The following ARFGAP1 variants were observed in gnomAD, a reference collection of about 807,000 sequenced individuals.
ARFGAP1 encodes the protein ADP-ribosylation factor GTPase-activating protein 1.
A neutral mutation model predicts 54.0 loss-of-function variants in ARFGAP1; 26 were observed. That is an observed-to-expected ratio of 0.48 (90% CI 0.35 to 0.67). ARFGAP1 has a LOEUF of 0.67. Among genes scored for constraint, ARFGAP1 ranks in the 30% least tolerant of loss-of-function variants. The pLI, the probability that ARFGAP1 is intolerant of heterozygous loss-of-function variation, is 0.00. For missense variants in ARFGAP1, 525 were observed against 535.8 expected, an observed-to-expected ratio of 0.98 and a Z score of 0.20; for synonymous variants, 248 against 211.9, an observed-to-expected ratio of 1.17 and a Z score of -1.48.
In ARFGAP1 at chr20:63,276,806, G is replaced by A; in HGVS notation, c.342+155G>A. The A allele has an allele frequency of 1.1e-6, 1 of 871,410 alleles. No individual in the cohort carries two copies. Among genetic ancestry groups the A allele is most frequent in the Non-Finnish European group, 1.7e-6 (1 of 589,384 alleles). 54.0% of individuals were successfully genotyped at this position (871,410 alleles called of 1,614,324 possible). ...ACACAACTTGCCGCCCTGGAGCAGA[G>A]GCTTCCTGCCCAGAGGGGAGGCAAA... is the stretch of plus-strand genomic sequence containing the variant. On this transcript the variant is annotated intron_variant, in intron 4 of 12. Coordinates refer to ENST00000370283, the MANE Select transcript of ARFGAP1 (RefSeq NM_018209.4). The surrounding 1 kb of genome is among the most constrained non-coding windows in gnomAD (Gnocchi z 5.2).
chr20:63,284,203 C>T (rs917162608), intron 9 of ARFGAP1: 26 of 1,267,814 alleles, frequency 2.1e-5, no homozygotes, highest in African/African-American at 1.7e-4. Context: ...GGGCACTGGG[C>T]GCAGAGCTGC....
At chr20:63,286,712 G>A in intron 12 of ARFGAP1, 1 of 468,472 alleles carries the variant, frequency 2.1e-6, no homozygotes, top group African/African-American at 2.0e-5. Flanking sequence ...TCTCTGCCCT[G>A]CTGTGTGCTC....
intron 5 of ARFGAP1, 85 bp downstream of exon 5, chr20:63,277,390 C>T: frequency 8.3e-7 from 1 of 1,207,820 alleles, no homozygotes; most frequent in Non-Finnish European, 1.1e-6. Context: ...TTCTCCCCTT[C>T]TTTGCTGTTG....
At position 63,287,552 on chromosome 20, in the gene ARFGAP1, T is replaced by C. The variant is rs747508893; in HGVS notation, c.912-12T>C. ...ACAGTCATTTAGAGTCCCCCTTCTG[T>C]CTCTTTAAAAGCCCCTCGGAGGGCC... is the stretch of plus-strand genomic sequence containing the variant. On this transcript the variant is annotated splice_polypyrimidine_tract_variant and intron_variant, in intron 12 of 12. Transcript: ENST00000370283. 1 of 1,567,312 alleles carries C rather than the reference T, an allele frequency of 6.4e-7. No homozygotes were observed. Among genetic ancestry groups the C allele is most frequent in the Non-Finnish European group, 8.7e-7 (1 of 1,152,734 alleles).
chr20:63,281,168 C>A, intron 7 of ARFGAP1, 123 bp from the exon 8 acceptor site: 4 of 1,032,738 alleles, frequency 3.9e-6, no homozygotes, highest in South Asian at 1.5e-5. Flanking sequence ...GCGGTGGGGT[C>A]AGGATGGGAC....
chr20:63,279,199 CT>C (rs758984547), intron 7 of ARFGAP1: 94,855 of 511,238 alleles, frequency 0.19, no homozygotes, highest in South Asian at 0.25. Flanking sequence ...CAATCACTTC[CT>C]TTTTTTTTTT....
intron 10 of ARFGAP1, 41 bp from the exon 11 acceptor site, chr20:63,285,613 C>G: frequency 6.2e-7 from 1 of 1,601,252 alleles, no homozygotes; most frequent in Admixed American, 1.7e-5. Context: ...AAGCTTTCAT[C>G]TCTCCCGCCC....
chr20:63,281,019 T>TG (rs1200168713), intron 7 of ARFGAP1, among the ~76,000 whole-genome samples: 6 of 151,938 alleles, frequency 3.9e-5, no homozygotes, highest in African/African-American at 1.2e-4. Flanking sequence ...TGGGCTTGCT[T>TG]CTTGAGGGTG....
At chr20:63,284,268 A>G in intron 9 of ARFGAP1, 1 of 1,128,620 alleles carries the variant, frequency 8.9e-7, no homozygotes, top group Non-Finnish European at 1.1e-6. Flanking sequence ...AAAGGGGAGG[A>G]TCTTTGCTCT....
intron 7 of ARFGAP1, among the ~76,000 whole-genome samples, chr20:63,279,741 G>A (rs577030081): frequency 2.0e-5 from 3 of 152,190 alleles, no homozygotes; most frequent in Non-Finnish European, 4.4e-5. Context: ...GAAGCTCCAG[G>A]TCAGATGTTC....
chr20:63,274,484 G>C (rs1473757914), intron 1 of ARFGAP1, among the ~76,000 whole-genome samples: 3 of 152,132 alleles, frequency 2.0e-5, no homozygotes, highest in African/African-American at 7.2e-5. Flanking sequence ...GGAAGGGCTG[G>C]CACTGGGAAG....
chr20:63,282,894 ATCCTGAGTCTGACGTC>A (rs780175911), intron 9 of ARFGAP1, 43 bp downstream of exon 9: 2 of 1,611,124 alleles, frequency 1.2e-6, no homozygotes, highest in South Asian at 2.2e-5. Flanking sequence ...ATCTGAAACT[ATCCTGAGTCTGACGTC>A]ACGTGCAGCA....
intron 6 of ARFGAP1, 38 bp downstream of exon 6, chr20:63,278,241 A>G: frequency 6.2e-7 from 1 of 1,602,428 alleles, no homozygotes; most frequent in Non-Finnish European, 8.5e-7. Flanking sequence ...GGCGTGGGCC[A>G]GGCCCACAGG....
intron 12 of ARFGAP1, among the ~76,000 whole-genome samples, 189 bp downstream of exon 12, chr20:63,286,631 A>T (rs889241111): frequency 6.6e-6 from 1 of 151,256 alleles, no homozygotes; most frequent in South Asian, 2.1e-4. Context: ...GGTGGCTGGC[A>T]TCTTTGCTGG....
intron 9 of ARFGAP1, 146 bp downstream of exon 9, chr20:63,282,997 T>C (rs976176223): frequency 2.3e-6 from 2 of 868,814 alleles, no homozygotes; most frequent in African/African-American, 3.3e-5. Flanking sequence ...GGGGTGTTCC[T>C]GCCATGCTGT....
chr20:63,274,999 A>G (rs985534049), intron 1 of ARFGAP1, among the ~76,000 whole-genome samples: 1 of 152,156 alleles, frequency 6.6e-6, no homozygotes, highest in Non-Finnish European at 1.5e-5. Flanking sequence ...ATGCCTCAGA[A>G]TGGCCCCAGA....
chr20:63,283,574 G>T, intron 9 of ARFGAP1: 1 of 478,958 alleles, frequency 2.1e-6, no homozygotes, highest in South Asian at 3.3e-5. Context: ...CCTCTCTGAG[G>T]GAGTCTCCCC....
rs976589333 is a variant in ARFGAP1, at chr20:63,289,528, G to A, written c.*1655G>A. ...CCCCGCCCAGGAGGGTGCCTTCCTC[G>A]GGGGTAGGGGGACGGCCCACTCTGC... On this transcript the variant is annotated 3_prime_UTR_variant, in exon 13 of 13. Coordinates refer to ENST00000370283, the MANE Select transcript of ARFGAP1 (RefSeq NM_018209.4). 1 of 152,304 alleles carries A rather than the reference G, an allele frequency of 6.6e-6. No individual in the cohort carries two copies. Among genetic ancestry groups the A allele is most frequent in the Non-Finnish European group, 1.5e-5 (1 of 68,118 alleles). 9.4% of individuals were successfully genotyped at this position (152,304 alleles called of 1,614,324 possible).
rs559322875 is a variant in ARFGAP1, at chr20:63,275,936, C to T, written c.61-155C>T. ...CTTCCCATCTGAACATTTTATTACA[C>T]GGAGGCTCTTTCCCCTCACGCCTTG... On this transcript the variant is annotated intron_variant, in intron 2 of 12. Coordinates refer to ENST00000370283, the MANE Select transcript of ARFGAP1 (RefSeq NM_018209.4). Among the ~76,000 whole-genome samples, 13 of 152,302 alleles carry T rather than the reference C, an allele frequency of 8.5e-5. No individual in the cohort carries two copies. The South Asian group carries it at 1.5e-3, about 17-fold the overall frequency.
Sources: gnomAD v4.1 joint callset for allele counts (sites outside exome capture counted in the v4.1 genomes callset) on GRCh38, gnomAD v4.1.1 for gene constraint, Gnocchi (gnomAD v3.1) non-coding constraint, MANE v1.5 for transcripts, NCBI Gene and HGNC (gene_info 2026-07-23, HGNC 2026-07-21) for gene names.